The following PDE3B variants were observed in gnomAD, a reference collection of about 807,000 sequenced individuals.
The protein encoded by PDE3B is phosphodiesterase 3B.
In PDE3B, 66 loss-of-function variants were observed where a neutral mutation model predicts 116.8. The observed-to-expected ratio is 0.56, with a 90% CI of 0.46 to 0.69. The LOEUF is 0.69. Ranked by LOEUF, PDE3B falls within the 30% of genes least tolerant of loss-of-function variation. The pLI is 0.00. For missense variants in PDE3B, 1,384 were observed against 1,368.1 expected (o/e 1.01, Z -0.18); for synonymous variants, 595 against 533.6 (o/e 1.12, Z -1.59).
chr11:14,654,844 A>G (rs936973627), intron 1 of PDE3B, among the ~76,000 whole-genome samples: 6 of 151,228 alleles, frequency 4.0e-5, no homozygotes, highest in Admixed American at 1.3e-4. Context: ...AGCTAGTGCA[A>G]CTGCTGAAAG....
the PDE3B span, chr11:14,880,533 A>G: frequency 1.9e-6 from 3 of 1,613,408 alleles, no homozygotes; most frequent in South Asian, 3.3e-5. Context: ...TGTCTTCATA[A>G]GTGAATCGTT....
At position 14,689,663 on chromosome 11, in the gene PDE3B, GA is replaced by G. The variant is rs769611343; in HGVS notation, c.978+44612del. On this transcript the variant is annotated intron_variant, in intron 1 of 15. Coordinates refer to ENST00000282096, the MANE Select transcript of PDE3B (RefSeq NM_000922.4). ...TAGGAGAAAGACAAGGACTGTGGGG[GA>G]AGTACCTATGTTTGGTGATTGGCAT... is the stretch of plus-strand genomic sequence containing the variant. Among the ~76,000 whole-genome samples, 168 of 152,302 alleles carry G rather than the reference GA, an allele frequency of 1.1e-3. 1 individual carries two copies. Among genetic ancestry groups the G allele is most frequent in the Non-Finnish European group, 2.2e-3 (149 of 68,030 alleles).
intron 1 of PDE3B, among the ~76,000 whole-genome samples, chr11:14,666,302 A>G (rs1263908414): frequency 6.6e-6 from 1 of 150,418 alleles, no homozygotes; most frequent in Non-Finnish European, 1.5e-5. Context: ...TTAAAGACTT[A>G]AACGTTAGAC....
At chr11:14,650,947 A>G (rs1383932396) in intron 1 of PDE3B, among the ~76,000 whole-genome samples, 1 of 151,880 alleles carries the variant, frequency 6.6e-6, no homozygotes, top group African/African-American at 2.4e-5. Context: ...CCTACGAGAT[A>G]CATTTGTGTT....
chr11:14,751,434 A>G (rs1298276556), intron 1 of PDE3B, among the ~76,000 whole-genome samples: 1 of 152,196 alleles, frequency 6.6e-6, no homozygotes, highest in Non-Finnish European at 1.5e-5. Context: ...GCAAAAAAGG[A>G]AATTGTCACT....
At chr11:14,785,574 G>C (rs1191314243) in intron 2 of PDE3B, among the ~76,000 whole-genome samples, 1 of 151,950 alleles carries the variant, frequency 6.6e-6, no homozygotes, top group African/African-American at 2.4e-5. Flanking sequence ...AAAAACAAAA[G>C]TAACATTTAA....
chr11:14,706,343 A>T (rs549456615), intron 1 of PDE3B, among the ~76,000 whole-genome samples: 15 of 152,038 alleles, frequency 9.9e-5, no homozygotes, highest in Admixed American at 7.2e-4. Context: ...TTCATCTTTT[A>T]AAAAAAGTTA....
At chr11:14,756,755 A>G (rs1441625223) in intron 1 of PDE3B, among the ~76,000 whole-genome samples, 3 of 152,110 alleles carry the variant, frequency 2.0e-5, no homozygotes, top group Non-Finnish European at 4.4e-5. Flanking sequence ...TCTGGACTAC[A>G]TATACTTAAT....
At chr11:14,661,589 G>A (rs866776888) in intron 1 of PDE3B, among the ~76,000 whole-genome samples, 10 of 152,290 alleles carry the variant, frequency 6.6e-5, no homozygotes, top group South Asian at 2.1e-4. Flanking sequence ...CTGGAAAATC[G>A]GGTCACTCCC....
chr11:14,845,738 G>A (rs867980169), intron 12 of PDE3B, among the ~76,000 whole-genome samples: 9 of 152,114 alleles, frequency 5.9e-5, no homozygotes, highest in Admixed American at 3.3e-4. Flanking sequence ...AAAGGGTTTC[G>A]GTGATGGAAG....
rs782615223 is a variant in PDE3B, at chr11:14,867,707, G to T, written c.3088G>T (p.Gly1030Cys). 1 of 1,612,634 alleles carries T rather than the reference G, an allele frequency of 6.2e-7. No individual in the cohort carries two copies. The highest frequency in any genetic ancestry group is 8.5e-7 in the Non-Finnish European group (1 of 1,178,862). ...TACTGAAAGTGGTGATGATGAAGACGGTGAAGAATTAGATACAGAAGATGA... is the reference window on the plus strand; with the variant it reads ...TACTGAAAGTGGTGATGATGAAGACTGTGAAGAATTAGATACAGAAGATGA... ...NDTESGDDED[G>C]EELDTEDEEM... The change falls in exon 15 of 16, where the codon GGT (glycine) becomes TGT (cysteine). Residue 1030 changes from glycine (G) to cysteine (C), a missense_variant. Around this residue, in one of 2 missense-constraint regions of PDE3B, gnomAD observed 428 missense variants for 561.4 expected, o/e 0.76. Coordinates refer to ENST00000282096, the MANE Select transcript of PDE3B (RefSeq NM_000922.4).
chr11:14,886,037 G>A, the PDE3B span: 1 of 942,546 alleles, frequency 1.1e-6, no homozygotes, highest in Non-Finnish European at 1.7e-6. Flanking sequence ...TGAAAATATA[G>A]GCAGTTATTA....
At chr11:14,708,033 C>A (rs549681096) in intron 1 of PDE3B, among the ~76,000 whole-genome samples, 177 of 152,078 alleles carry the variant, frequency 1.2e-3, no homozygotes, top group African/African-American at 4.0e-3. Context: ...GATGCTTGTC[C>A]TCTTCAAACC....
At chr11:14,896,920 A>T in the PDE3B span, among the ~76,000 whole-genome samples, 1 of 152,250 alleles carries the variant, frequency 6.6e-6, no homozygotes, top group Non-Finnish European at 1.5e-5. Context: ...GTTGTTAGAG[A>T]TAGCCACAGC....
At chr11:14,711,642 G>T (rs2133828777) in intron 1 of PDE3B, among the ~76,000 whole-genome samples, 1 of 152,196 alleles carries the variant, frequency 6.6e-6, no homozygotes, top group South Asian at 2.1e-4. Context: ...TTATTGCAAG[G>T]ATAGCACCAA....
chr11:14,799,652 C>CT (rs1469287733), intron 4 of PDE3B, among the ~76,000 whole-genome samples: 5 of 150,934 alleles, frequency 3.3e-5, no homozygotes, highest in African/African-American at 1.2e-4. Flanking sequence ...ATGGTTAGCT[C>CT]TTTTGCATTT....
intron 1 of PDE3B, among the ~76,000 whole-genome samples, chr11:14,691,860 A>T (rs909451965): frequency 6.6e-6 from 1 of 152,202 alleles, no homozygotes; most frequent in African/African-American, 2.4e-5. Flanking sequence ...TTGTCAGTGT[A>T]TTTAGAAAAC....
intron 1 of PDE3B, among the ~76,000 whole-genome samples, chr11:14,734,616 A>T (rs993594196): frequency 2.0e-5 from 3 of 152,218 alleles, no homozygotes; most frequent in African/African-American, 7.2e-5. Context: ...TATTAATTGA[A>T]TGCTCAATAT....
chr11:14,883,599 A>G, the PDE3B span, among the ~76,000 whole-genome samples: 73 of 152,242 alleles, frequency 4.8e-4, no homozygotes, highest in Non-Finnish European at 1.9e-4. Flanking sequence ...AAACCTAGGC[A>G]TTACCATTCA....
Sources: allele counts gnomAD v4.1 joint callset (sites outside exome capture counted in the v4.1 genomes callset), GRCh38; gene constraint gnomAD v4.1.1; regional missense constraint gnomAD v4.1.1; transcripts MANE v1.5; gene names NCBI Gene and HGNC (gene_info 2026-07-23, HGNC 2026-07-21).